DLG2: variants seen among roughly 807,000 people sequenced by gnomAD.
DLG2 encodes disks large homolog 2.
A neutral mutation model predicts 132.5 loss-of-function variants in DLG2; 45 were observed. That is an observed-to-expected ratio of 0.34 (90% CI 0.27 to 0.44). The LOEUF is 0.44. DLG2 is among the 20% of genes least tolerant of loss of function. The pLI is 1.00. For missense variants in DLG2, 1,045 were observed against 1,196.9 expected, an observed-to-expected ratio of 0.87 and a Z score of 1.87; for synonymous variants, 424 against 419.6, an observed-to-expected ratio of 1.01 and a Z score of -0.13.
intron 6 of DLG2, among the ~76,000 whole-genome samples, chr11:84,588,733 C>T (rs1331484325): frequency 2.7e-5 from 4 of 150,296 alleles, no homozygotes; most frequent in East Asian, 2.0e-4. Flanking sequence ...ATAAAGAAGC[C>T]GGCCAAAACC....
At chr11:85,569,733 C>T (rs951680275) in intron 3 of DLG2, among the ~76,000 whole-genome samples, 1 of 152,102 alleles carries the variant, frequency 6.6e-6, no homozygotes, top group Non-Finnish European at 1.5e-5. Context: ...TGCTGGTGAA[C>T]CTGCAGAGAA....
intron 7 of DLG2, among the ~76,000 whole-genome samples, chr11:84,419,576 G>T (rs1187591768): frequency 6.6e-6 from 1 of 152,110 alleles, no homozygotes; most frequent in Non-Finnish European, 1.5e-5. Context: ...TCTCTTTCAA[G>T]ACAGACACAC....
rs188071279 is a variant in DLG2 at position 84,798,982 on chromosome 11, C to T, written c.358-264251G>A. On this transcript the variant is annotated intron_variant, in intron 6 of 27. Transcript: ENST00000376104. ...TCTTTACTCTTCTCCTCTTCTCAAG[C>T]AGAGGAAAGGAGTCACTTTCATTGC... Among the ~76,000 whole-genome samples the T allele has an allele frequency of 2.5e-3, 383 of 152,224 alleles. 8 individuals are homozygous for T. In the South Asian group the frequency reaches 0.042, roughly 17 times the overall value.
intron 6 of DLG2, among the ~76,000 whole-genome samples, chr11:84,933,139 T>C (rs1273518768): frequency 6.6e-6 from 1 of 152,200 alleles, no homozygotes; most frequent in Non-Finnish European, 1.5e-5. Flanking sequence ...ATATGTTTGT[T>C]GGCCACATAA....
chr11:84,980,732 AG>A (rs1258834849), intron 6 of DLG2, among the ~76,000 whole-genome samples: 1 of 152,224 alleles, frequency 6.6e-6, no homozygotes, highest in Non-Finnish European at 1.5e-5. Context: ...TGGAGATAAA[AG>A]CATCCAAATT....
chr11:83,927,581 G>C (rs1565672609), intron 15 of DLG2, among the ~76,000 whole-genome samples: 2 of 152,286 alleles, frequency 1.3e-5, no homozygotes, highest in East Asian at 3.9e-4. Flanking sequence ...TCAGCAAAGG[G>C]AAGAGTGAAA....
At chr11:85,379,085 C>T (rs889888251) in intron 3 of DLG2, among the ~76,000 whole-genome samples, 3 of 152,094 alleles carry the variant, frequency 2.0e-5, no homozygotes, top group Non-Finnish European at 4.4e-5. Flanking sequence ...TTTCAAGTCA[C>T]CAGTCATGCT....
chr11:84,898,870 C>T lies in DLG2; in HGVS notation c.357+212791G>A, dbSNP rs1417934316. ...TGAATTTAGTCATTTGTGTAGTAAGCTCTGTATATCTCTATTACAGCTATT... is the reference window on the plus strand; with the variant it reads ...TGAATTTAGTCATTTGTGTAGTAAGTTCTGTATATCTCTATTACAGCTATT... On this transcript the variant is annotated intron_variant, in intron 6 of 27. Transcript: ENST00000376104. Among the ~76,000 whole-genome samples, 10 of 152,182 alleles carry T rather than the reference C, an allele frequency of 6.6e-5. 1 individual carries two copies. In the East Asian group the frequency reaches 1.9e-3, roughly 29 times the overall value.
intron 15 of DLG2, among the ~76,000 whole-genome samples, chr11:83,906,624 A>G (rs1347668260): frequency 6.6e-6 from 1 of 152,132 alleles, no homozygotes; most frequent in Non-Finnish European, 1.5e-5. Flanking sequence ...AGGCAATGCA[A>G]AGCACTTTAT....
chr11:85,356,692 G>C (rs1435701103), intron 3 of DLG2, among the ~76,000 whole-genome samples: 1 of 152,030 alleles, frequency 6.6e-6, no homozygotes. Flanking sequence ...TAGAATTCTT[G>C]CTTTTCAGTG....
Position 83,687,220 on chromosome 11 carries a change from C to T in DLG2, c.1826-53895G>A, listed in dbSNP as rs143287597. Among the ~76,000 whole-genome samples, 183 of 152,304 alleles carry T rather than the reference C, an allele frequency of 1.2e-3. 4 individuals carry two copies. Among genetic ancestry groups the T allele is most frequent in the African/African-American group, 4.2e-3 (173 of 41,576 alleles). ...ACAATACATTTCTCTTGTTCTAAGC[C>T]ACCCAGTTTACGGTACTTTGTTACA... On this transcript the variant is annotated intron_variant, in intron 18 of 27. Coordinates refer to ENST00000376104, the MANE Select transcript of DLG2 (RefSeq NM_001142699.3).
chr11:85,091,999 A>C (rs905630536), intron 6 of DLG2, among the ~76,000 whole-genome samples: 3 of 152,230 alleles, frequency 2.0e-5, no homozygotes, highest in Non-Finnish European at 4.4e-5. Flanking sequence ...TACTTTGCAA[A>C]GATCCCTCAA....
At chr11:84,073,765 C>T (rs1449695648) in intron 10 of DLG2, among the ~76,000 whole-genome samples, 1 of 152,146 alleles carries the variant, frequency 6.6e-6, no homozygotes, top group Non-Finnish European at 1.5e-5. Context: ...TAAGTCTGAA[C>T]TCAAGTATAC....
chr11:84,921,035 G>A (rs2092729992), intron 6 of DLG2, among the ~76,000 whole-genome samples: 1 of 152,052 alleles, frequency 6.6e-6, no homozygotes, highest in Non-Finnish European at 1.5e-5. Flanking sequence ...ACAGAACCAA[G>A]TGATAAGTAG....
chr11:84,665,130 G>A (rs2099698575), intron 6 of DLG2, among the ~76,000 whole-genome samples: 1 of 152,046 alleles, frequency 6.6e-6, no homozygotes, highest in African/African-American at 2.4e-5. Context: ...ACACAAACCT[G>A]TAAGTAACAT....
At chr11:83,652,994 C>T (rs999623098) in intron 18 of DLG2, among the ~76,000 whole-genome samples, 5 of 152,188 alleles carry the variant, frequency 3.3e-5, no homozygotes, top group Admixed American at 2.6e-4. Flanking sequence ...AAAACTAAGG[C>T]TCACACTAGT....
intron 4 of DLG2, among the ~76,000 whole-genome samples, chr11:85,265,506 C>T (rs1014677866): frequency 2.0e-5 from 3 of 152,202 alleles, no homozygotes; most frequent in African/African-American, 4.8e-5. Flanking sequence ...GCCCCCACGA[C>T]ATACTGATAG....
intron 11 of DLG2, among the ~76,000 whole-genome samples, chr11:84,032,488 G>A (rs1003847340): frequency 6.6e-5 from 10 of 152,224 alleles, no homozygotes; most frequent in African/African-American, 2.2e-4. Context: ...GGAAACTGCA[G>A]AAGAGAAGTT....
chr11:85,338,039 A>G (rs1172287822), intron 3 of DLG2, among the ~76,000 whole-genome samples: 1 of 152,218 alleles, frequency 6.6e-6, no homozygotes, highest in South Asian at 2.1e-4. Flanking sequence ...TCACAAAGTA[A>G]TAAGAAATAT....
Sources: gnomAD v4.1 joint callset for allele counts (sites outside exome capture counted in the v4.1 genomes callset) on GRCh38, gnomAD v4.1.1 for gene constraint, MANE v1.5 for transcripts, NCBI Gene and HGNC (gene_info 2026-07-23, HGNC 2026-07-21) for gene names.